LRFN2: variants seen among roughly 807,000 people sequenced by gnomAD.
The protein encoded by LRFN2 is leucine rich repeat and fibronectin type III domain containing 2.
In LRFN2, 18 loss-of-function variants were observed where a neutral mutation model predicts 37.3. The ratio of observed to expected loss-of-function variants is 0.48; its 90% CI spans 0.33 to 0.72. The LOEUF is 0.72. Ranked by LOEUF, LRFN2 falls within the 30% of genes least tolerant of loss-of-function variation. The pLI, the probability that LRFN2 is intolerant of heterozygous loss-of-function variation, is 0.02. For missense variants in LRFN2, 1,006 were observed against 1,060.7 expected (o/e 0.95, Z 0.72); for synonymous variants, 556 against 466.6 (o/e 1.19, Z -2.47).
chr6:40,579,168 A>G (rs1767346098), intron 1 of LRFN2, among the ~76,000 whole-genome samples: 1 of 152,094 alleles, frequency 6.6e-6, no homozygotes, highest in African/African-American at 2.4e-5. Context: ...AGCCTGGGGA[A>G]CCACCCTCTC....
chr6:40,542,389 C>A (rs1444861151), intron 1 of LRFN2, among the ~76,000 whole-genome samples: 13 of 152,052 alleles, frequency 8.5e-5, no homozygotes, highest in Admixed American at 8.5e-4. Context: ...GAGGGATGAA[C>A]TCAGGAAGCA....
intron 2 of LRFN2, among the ~76,000 whole-genome samples, chr6:40,430,260 C>T (rs149016967): frequency 1.5e-3 from 228 of 152,322 alleles, no homozygotes; most frequent in Non-Finnish European, 2.6e-3. Flanking sequence ...GTTTCCACAA[C>T]ATACCCACCC....
chr6:40,572,004 T>A (rs550256512), intron 1 of LRFN2, among the ~76,000 whole-genome samples: 21 of 152,294 alleles, frequency 1.4e-4, no homozygotes, highest in African/African-American at 4.8e-4. Context: ...GAAACAGGTT[T>A]CCTGGGAAGA....
chr6:40,586,166 G>A (rs1297641517), intron 1 of LRFN2, among the ~76,000 whole-genome samples: 2 of 152,126 alleles, frequency 1.3e-5, no homozygotes, highest in African/African-American at 4.8e-5. Context: ...TCCCTCAGAA[G>A]GTCTGTGCAA....
At chr6:40,489,699 C>G (rs377532731) in intron 1 of LRFN2, among the ~76,000 whole-genome samples, 1 of 152,186 alleles carries the variant, frequency 6.6e-6, no homozygotes, top group East Asian at 1.9e-4. Context: ...CCTTACCCAC[C>G]CTTCTCACCT....
chr6:40,573,797 G>C (rs748577556), intron 1 of LRFN2, among the ~76,000 whole-genome samples: 1 of 152,200 alleles, frequency 6.6e-6, no homozygotes, highest in Non-Finnish European at 1.5e-5. Context: ...GGCCAACATG[G>C]TGAAACCCCA....
rs1489803666 is a variant in LRFN2 at position 40,577,091 on chromosome 6, T to TC, written c.-19+9849_-19+9850insG. On this transcript the variant is annotated intron_variant, in intron 1 of 2. Transcript: ENST00000338305. ...GGTCCAAGGCCCATTTTCTTTTCTT[T>TC]TCTTTTCTTTTCCTTTCTTTTCTTT... Among the ~76,000 whole-genome samples the TC allele has an allele frequency of 8.8e-5, 12 of 136,240 alleles. No individual in the cohort carries two copies. The East Asian group carries it at 2.3e-3, about 26-fold the overall frequency. 89.4% of individuals were successfully genotyped at this position (136,240 alleles called of 152,430 possible). A position where few individuals can be genotyped will look rare whatever the true frequency, so the allele number is the denominator to read the frequency against.
At chr6:40,436,094 T>A (rs1420415970) in intron 1 of LRFN2, among the ~76,000 whole-genome samples, 2 of 152,340 alleles carry the variant, frequency 1.3e-5, no homozygotes, top group Admixed American at 1.3e-4. Context: ...TTTATATAAC[T>A]AGCTATATCA....
intron 1 of LRFN2, among the ~76,000 whole-genome samples, chr6:40,529,940 G>A (rs1766317051): frequency 6.6e-6 from 1 of 152,172 alleles, no homozygotes. Context: ...ATTTCACATT[G>A]CAGATACCCA....
chr6:40,431,420 C>T (rs1000902744), intron 2 of LRFN2, among the ~76,000 whole-genome samples: 34 of 152,194 alleles, frequency 2.2e-4, no homozygotes, highest in African/African-American at 7.5e-4. Context: ...TAGAACAGAA[C>T]ATTCATAAGC....
At chr6:40,476,082 C>A (rs1470659292) in intron 1 of LRFN2, among the ~76,000 whole-genome samples, 1 of 152,148 alleles carries the variant, frequency 6.6e-6, no homozygotes, top group Non-Finnish European at 1.5e-5. Flanking sequence ...CCTAGGAAGC[C>A]CCTTCCTACT....
chr6:40,452,233 C>T (rs142700705), intron 1 of LRFN2, among the ~76,000 whole-genome samples: 4 of 152,146 alleles, frequency 2.6e-5, no homozygotes, highest in African/African-American at 9.7e-5. Flanking sequence ...CAGAGTTTCT[C>T]TAGGTCACCC....
At chr6:40,568,731 C>CCTTCCTTA (rs1491498205) in intron 1 of LRFN2, among the ~76,000 whole-genome samples, 3 of 122,662 alleles carry the variant, frequency 2.4e-5, no homozygotes, top group Admixed American at 1.6e-4. Context: ...TTCCTTCCTT[C>CCTTCCTTA]CTTTTTTGAG....
chr6:40,439,586 C>T (rs997612537), intron 1 of LRFN2, among the ~76,000 whole-genome samples: 7 of 152,182 alleles, frequency 4.6e-5, no homozygotes, highest in Non-Finnish European at 8.8e-5. Flanking sequence ...CAGTGTGAAG[C>T]CCCTATCCCA....
intron 1 of LRFN2, among the ~76,000 whole-genome samples, chr6:40,481,179 T>G (rs186231416): frequency 6.1e-4 from 93 of 152,278 alleles, no homozygotes; most frequent in Admixed American, 1.8e-3. Context: ...CTCACGTCTA[T>G]AATCCCAGCA....
Position 40,575,838 on chromosome 6 carries a change from T to C in LRFN2, c.-19+11103A>G, listed in dbSNP as rs372166128. Among the ~76,000 whole-genome samples the C allele has an allele frequency of 1.1e-4, 16 of 152,286 alleles. No homozygotes were observed. In the South Asian group the frequency reaches 1.7e-3, roughly 16 times the overall value. ...AATCCAAAGTTGAATTTTACTGTAA[T>C]AGCTGTGTGACTTTGGGCAAGCTAC... is the stretch of plus-strand genomic sequence containing the variant. On this transcript the variant is annotated intron_variant, in intron 1 of 2. Coordinates refer to ENST00000338305, the MANE Select transcript of LRFN2 (RefSeq NM_020737.3).
intron 1 of LRFN2, among the ~76,000 whole-genome samples, chr6:40,577,815 TA>T (rs1554146048): frequency 0.05 from 2,343 of 47,032 alleles, 83 homozygotes; most frequent in African/African-American, 0.17. Flanking sequence ...AAATAAAAAT[TA>T]AAAAAAATAA....
At chr6:40,409,579 G>A (rs1373686212) in intron 2 of LRFN2, among the ~76,000 whole-genome samples, 2 of 152,140 alleles carry the variant, frequency 1.3e-5, no homozygotes. Flanking sequence ...CTTGAACAAG[G>A]GATTTTGCTT....
intron 1 of LRFN2, among the ~76,000 whole-genome samples, chr6:40,545,229 G>A (rs1039716162): frequency 2.6e-5 from 4 of 152,170 alleles, no homozygotes; most frequent in African/African-American, 9.7e-5. Flanking sequence ...AAGGAGCTTA[G>A]GCCTCTAATG....
Sources: gnomAD v4.1 joint callset for allele counts (sites outside exome capture counted in the v4.1 genomes callset) on GRCh38, gnomAD v4.1.1 for gene constraint, MANE v1.5 for transcripts, NCBI Gene and HGNC (gene_info 2026-07-23, HGNC 2026-07-21) for gene names.